MYO1D: variants seen among roughly 807,000 people sequenced by gnomAD.
The protein encoded by MYO1D is myosin ID, also known as unconventional myosin-Id.
MYO1D carries 83 observed loss-of-function variants against 122.0 expected under a neutral mutation model. That is an observed-to-expected ratio of 0.68 (90% confidence interval 0.57 to 0.82). MYO1D has a LOEUF of 0.82. MYO1D is among the 40% of genes least tolerant of loss of function. The probability of loss-of-function intolerance (pLI) is 0.00; values close to 1 mark genes in which losing one functional copy is unlikely to be tolerated. For synonymous variants in MYO1D, 464 were observed against 446.9 expected (o/e 1.04, Z -0.48); for missense variants, 1,157 against 1,269.5 (o/e 0.91, Z 1.35).
rs1023899905 is a variant in MYO1D at position 32,874,300 on chromosome 17, GTC to G, written c.95+2476_95+2477del. Among the ~76,000 whole-genome samples, 13 of 37,532 alleles carry G rather than the reference GTC, an allele frequency of 3.5e-4. No individual in the cohort carries two copies. In the Admixed American group the frequency reaches 3.8e-3, roughly 11 times the overall value. The allele number at this position is 37,532 out of a possible 152,430, so 24.6% of individuals were successfully genotyped here. ...CCTTCCTTCCTCTTTATCTGTCTCT[GTC>G]TCTCTCTCTCTCTTTGTGTCTCTGT... On this transcript the variant is annotated intron_variant, in intron 1 of 21. Coordinates refer to ENST00000318217, the MANE Select transcript of MYO1D (RefSeq NM_015194.3).
At chr17:32,522,645 AG>A (rs1276628010) in intron 21 of MYO1D, among the ~76,000 whole-genome samples, 3 of 152,122 alleles carry the variant, frequency 2.0e-5, no homozygotes, top group Non-Finnish European at 4.4e-5. Context: ...GGGTGAGCTA[AG>A]GGGCAGTATG....
At chr17:32,876,638 C>T in intron 1 of MYO1D, 140 bp downstream of exon 1, 2 of 612,298 alleles carry the variant, frequency 3.3e-6, no homozygotes, top group South Asian at 2.6e-5. Context: ...CTTGGCAGAC[C>T]CCCGGACACC....
intron 21 of MYO1D, among the ~76,000 whole-genome samples, chr17:32,572,365 G>T (rs1020491766): frequency 6.6e-6 from 1 of 152,114 alleles, no homozygotes; most frequent in African/African-American, 2.4e-5. Context: ...CTCTCAGCCA[G>T]TGCTACTCCA....
At chr17:32,864,748 T>C (rs1391783002) in intron 1 of MYO1D, among the ~76,000 whole-genome samples, 6 of 152,158 alleles carry the variant, frequency 3.9e-5, no homozygotes, top group Admixed American at 2.0e-4. Context: ...AGTAAATGCA[T>C]AGTTCAGCCA....
chr17:32,688,508 G>A (rs1335580813), intron 16 of MYO1D, among the ~76,000 whole-genome samples: 1 of 152,160 alleles, frequency 6.6e-6, no homozygotes, highest in African/African-American at 2.4e-5. Flanking sequence ...TATTTACAGC[G>A]GTCTGGTTGG....
At chr17:32,822,188 G>A (rs1224304721) in intron 1 of MYO1D, among the ~76,000 whole-genome samples, 2 of 152,184 alleles carry the variant, frequency 1.3e-5, no homozygotes, top group Non-Finnish European at 2.9e-5. Context: ...GGAATACCAT[G>A]CAGCCATAAA....
intron 21 of MYO1D, among the ~76,000 whole-genome samples, chr17:32,598,135 G>A (rs796355590): frequency 6.6e-5 from 10 of 152,026 alleles, no homozygotes; most frequent in African/African-American, 1.7e-4. Context: ...GCACTTTGCG[G>A]GGCCAGGGCG....
At chr17:32,515,118 G>A (rs998267800) in intron 21 of MYO1D, among the ~76,000 whole-genome samples, 1 of 152,148 alleles carries the variant, frequency 6.6e-6, no homozygotes, top group African/African-American at 2.4e-5. Flanking sequence ...GCGCTTGAAT[G>A]GAGGAGGCTG....
rs931103207 is a variant in MYO1D at position 32,502,564 on chromosome 17, A to AT, written c.2865-7650dup. Among the ~76,000 whole-genome samples, 5 of 151,958 alleles carry AT rather than the reference A, an allele frequency of 3.3e-5. No individual in the cohort carries two copies. The East Asian group carries it at 5.8e-4, about 18-fold the overall frequency. ...ATGTTATGTGTATTTTACCACAATA[A>AT]TTTTTTTTTAAAATGTGGATTGACC... is the stretch of plus-strand genomic sequence containing the variant. On this transcript the variant is annotated intron_variant, in intron 21 of 21. Coordinates refer to ENST00000318217, the MANE Select transcript of MYO1D (RefSeq NM_015194.3).
At chr17:32,747,425 TG>T (rs1800951056) in intron 12 of MYO1D, among the ~76,000 whole-genome samples, 1 of 152,208 alleles carries the variant, frequency 6.6e-6, no homozygotes, top group African/African-American at 2.4e-5. Context: ...TCAAATTCCC[TG>T]GAACCTGGGA....
intron 1 of MYO1D, among the ~76,000 whole-genome samples, chr17:32,817,175 C>T (rs1022427321): frequency 1.3e-5 from 2 of 152,142 alleles, no homozygotes; most frequent in African/African-American, 4.8e-5. Flanking sequence ...GTGATTCTCC[C>T]ACCTCGGCCT....
At chr17:32,696,277 CTG>C (rs2089171737) in intron 16 of MYO1D, among the ~76,000 whole-genome samples, 1 of 151,928 alleles carries the variant, frequency 6.6e-6, no homozygotes, top group Non-Finnish European at 1.5e-5. Context: ...AGGAAATTAA[CTG>C]TGACTTTTAA....
In MYO1D at chr17:32,525,001, C is replaced by T. The variant is rs142005750; in HGVS notation, c.2865-30086G>A. ...TATAGGCATGAGCCACCACACCTAG[C>T]CTACATCTCGTTACTTTTGTTTTCC... On this transcript the variant is annotated intron_variant, in intron 21 of 21. Coordinates refer to ENST00000318217, the MANE Select transcript of MYO1D (RefSeq NM_015194.3). Among the ~76,000 whole-genome samples, 9 of 152,346 alleles carry T rather than the reference C, an allele frequency of 5.9e-5. No individual in the cohort carries two copies. In the East Asian group the frequency reaches 1.7e-3, roughly 29 times the overall value.
intron 13 of MYO1D, among the ~76,000 whole-genome samples, chr17:32,743,680 C>A (rs996011713): frequency 1.1e-4 from 16 of 151,926 alleles, no homozygotes; most frequent in Admixed American, 9.8e-4. Flanking sequence ...TGCAGTGGCG[C>A]GATCTCGGCT....
At chr17:32,593,878 A>G (rs2087462906) in intron 21 of MYO1D, among the ~76,000 whole-genome samples, 1 of 152,260 alleles carries the variant, frequency 6.6e-6, no homozygotes, top group East Asian at 1.9e-4. Context: ...CAGAGGTTGC[A>G]GTGAGCCGAG....
Position 32,692,112 on chromosome 17 carries a change from T to C in MYO1D, c.2121+19876A>G, listed in dbSNP as rs117005405. On this transcript the variant is annotated intron_variant, in intron 16 of 21. Transcript: ENST00000318217. Reference sequence around the variant, plus strand: ...TTAAAAATATAGCTTAAGACTGCTATATAGCTCCTCGTTAATAGAAACTGA... The same window carrying C: ...TTAAAAATATAGCTTAAGACTGCTACATAGCTCCTCGTTAATAGAAACTGA... Among the ~76,000 whole-genome samples, 45 of 152,350 alleles carry C rather than the reference T, an allele frequency of 3.0e-4. No individual in the cohort carries two copies. In the East Asian group the frequency reaches 8.3e-3, roughly 28 times the overall value.
intron 17 of MYO1D, among the ~76,000 whole-genome samples, chr17:32,657,749 G>A (rs551491496): frequency 1.3e-5 from 2 of 152,332 alleles, no homozygotes; most frequent in East Asian, 3.9e-4. Context: ...CATTCAGTAA[G>A]TATTTGCTGA....
intron 21 of MYO1D, among the ~76,000 whole-genome samples, chr17:32,521,661 A>G (rs1011222918): frequency 6.6e-6 from 1 of 152,150 alleles, no homozygotes; most frequent in Non-Finnish European, 1.5e-5. Context: ...AAATAAATAA[A>G]TCTCAGGGCC....
intron 11 of MYO1D, among the ~76,000 whole-genome samples, chr17:32,754,867 T>C (rs748618985): frequency 2.0e-5 from 3 of 152,196 alleles, no homozygotes; most frequent in African/African-American, 7.2e-5. Flanking sequence ...GATATGTCCA[T>C]ATCAGCACAA....
Sources: allele counts gnomAD v4.1 joint callset (sites outside exome capture counted in the v4.1 genomes callset), GRCh38; gene constraint gnomAD v4.1.1; transcripts MANE v1.5; gene names NCBI Gene and HGNC (gene_info 2026-07-23, HGNC 2026-07-21).